Variants in SNTG1 observed in about 807,000 individuals in gnomAD.
SNTG1 encodes the protein gamma-1-syntrophin.
SNTG1 carries 39 observed loss-of-function variants against 74.7 expected under a neutral mutation model. That is an observed-to-expected ratio of 0.52 (90% confidence interval 0.40 to 0.68). The LOEUF (loss-of-function observed/expected upper bound fraction) is 0.68. Among genes scored for constraint, SNTG1 ranks in the 30% least tolerant of loss-of-function variants. The pLI is 0.00. For missense variants in SNTG1, 685 were observed against 609.5 expected (o/e 1.12, Z -1.30); for synonymous variants, 254 against 217.1 (o/e 1.17, Z -1.49).
chr8:50,640,286 C>T (rs1186747946), intron 13 of SNTG1, among the ~76,000 whole-genome samples: 1 of 152,088 alleles, frequency 6.6e-6, no homozygotes, highest in Non-Finnish European at 1.5e-5. Context: ...CTATTCTGAA[C>T]ATAGTACAGG....
chr8:50,032,218 C>A (rs6981047), intron 1 of SNTG1, among the ~76,000 whole-genome samples: 4 of 152,032 alleles, frequency 2.6e-5, no homozygotes, highest in African/African-American at 9.6e-5. Flanking sequence ...TGTGTCCATT[C>A]TATTGATATT....
intron 5 of SNTG1, among the ~76,000 whole-genome samples, chr8:50,441,103 G>A (rs1192912892): frequency 6.6e-6 from 1 of 152,102 alleles, no homozygotes; most frequent in African/African-American, 2.4e-5. Flanking sequence ...ACTGGACAAG[G>A]ACAGTGTGGT....
chr8:49,934,280 G>GATCTATCTATCT (rs6150575), intron 1 of SNTG1, among the ~76,000 whole-genome samples: 11 of 146,502 alleles, frequency 7.5e-5, no homozygotes, highest in African/African-American at 1.0e-4. Context: ...ATACTATATA[G>GATCTATCTATCT]ATCTATCTAT....
At chr8:50,372,728 A>G (rs1279916586) in intron 2 of SNTG1, among the ~76,000 whole-genome samples, 1 of 152,172 alleles carries the variant, frequency 6.6e-6, no homozygotes, top group Non-Finnish European at 1.5e-5. Context: ...AATCATTAAA[A>G]TCCAGTGTAA....
chr8:50,618,344 T>G (rs1446212294), intron 13 of SNTG1, among the ~76,000 whole-genome samples: 1 of 152,230 alleles, frequency 6.6e-6, no homozygotes, highest in African/African-American at 2.4e-5. Context: ...CTGAAAGTAT[T>G]TTCTTACTGT....
intron 13 of SNTG1, among the ~76,000 whole-genome samples, chr8:50,613,669 A>G (rs909558760): frequency 6.6e-6 from 1 of 152,176 alleles, no homozygotes; most frequent in Non-Finnish European, 1.5e-5. Context: ...GAATTGTTAT[A>G]TAACTTTTGG....
intron 2 of SNTG1, among the ~76,000 whole-genome samples, chr8:50,283,157 A>C (rs1388270089): frequency 6.6e-6 from 1 of 152,244 alleles, no homozygotes; most frequent in African/African-American, 2.4e-5. Context: ...AAAAGCGACA[A>C]AAATTACAAT....
chr8:50,081,790 C>T (rs1822439119), intron 1 of SNTG1, among the ~76,000 whole-genome samples: 2 of 152,066 alleles, frequency 1.3e-5, no homozygotes, highest in South Asian at 2.1e-4. Flanking sequence ...CATGCCACCA[C>T]ATCCGACTAA....
At chr8:50,567,271 G>C (rs959960725) in intron 12 of SNTG1, among the ~76,000 whole-genome samples, 1 of 152,122 alleles carries the variant, frequency 6.6e-6, no homozygotes, top group Non-Finnish European at 1.5e-5. Flanking sequence ...AGCACTTCAT[G>C]AATCAATCCT....
chr8:50,157,207 T>A (rs1161644419), intron 1 of SNTG1, among the ~76,000 whole-genome samples: 2 of 152,104 alleles, frequency 1.3e-5, no homozygotes, highest in African/African-American at 4.8e-5. Context: ...GATATTTAGA[T>A]GCATAGCTGT....
In SNTG1 at chr8:50,530,201, G is replaced by T. The variant is rs549965322; in HGVS notation, c.491G>T (p.Gly164Val). The T allele has an allele frequency of 1.2e-6, 2 of 1,613,714 alleles. No homozygotes were observed. Among genetic ancestry groups the T allele is most frequent in the Non-Finnish European group, 1.7e-6 (2 of 1,179,758 alleles). ...GGTGCTCCAAGTGACCAGAGCAGTGGCACCTCCTCTCCTCTCTGTGACAGT... is the reference window on the plus strand; with the variant it reads ...GGTGCTCCAAGTGACCAGAGCAGTGTCACCTCCTCTCCTCTCTGTGACAGT... Reference protein sequence around the residue: ...CACAPSDQSSGTSSPLCDSGL... With the variant: ...CACAPSDQSSVTSSPLCDSGL... The change falls in exon 10 of 19, where the codon GGC (glycine) becomes GTC (valine). Residue 164 changes from glycine to valine, a missense_variant. Coordinates refer to ENST00000642720, the MANE Select transcript of SNTG1 (RefSeq NM_018967.5).
chr8:50,380,284 AG>A (rs1166169364), intron 2 of SNTG1, among the ~76,000 whole-genome samples: 1 of 152,216 alleles, frequency 6.6e-6, no homozygotes, highest in Non-Finnish European at 1.5e-5. Flanking sequence ...GTTGTAACTG[AG>A]TTTGGAGAGA....
At chr8:49,979,829 T>G (rs1395092674) in intron 1 of SNTG1, among the ~76,000 whole-genome samples, 7 of 152,210 alleles carry the variant, frequency 4.6e-5, no homozygotes, top group Non-Finnish European at 7.3e-5. Flanking sequence ...CAGCTGTGCG[T>G]GCGTGTGTGT....
intron 1 of SNTG1, among the ~76,000 whole-genome samples, chr8:50,094,111 G>A (rs1222516730): frequency 6.6e-6 from 1 of 152,062 alleles, no homozygotes; most frequent in East Asian, 1.9e-4. Context: ...GAAATTATAT[G>A]TGTGTTTGGG....
At chr8:50,235,681 A>C (rs759311966) in intron 2 of SNTG1, among the ~76,000 whole-genome samples, 28 of 152,116 alleles carry the variant, frequency 1.8e-4, no homozygotes, top group Non-Finnish European at 1.5e-5. Context: ...GTGAAGGAAA[A>C]AGCTCATTAG....
At chr8:50,260,800 A>G (rs2087152984) in intron 2 of SNTG1, among the ~76,000 whole-genome samples, 1 of 152,064 alleles carries the variant, frequency 6.6e-6, no homozygotes, top group Admixed American at 6.5e-5. Context: ...GTATTGCAAA[A>G]GAATGAAGAA....
chr8:50,195,496 A>G (rs2083731334), intron 2 of SNTG1, among the ~76,000 whole-genome samples: 1 of 151,974 alleles, frequency 6.6e-6, no homozygotes, highest in Non-Finnish European at 1.5e-5. Flanking sequence ...AAATTCAGCT[A>G]GAGATTTCCT....
chr8:50,667,008 A>G (rs1004244737), intron 15 of SNTG1, among the ~76,000 whole-genome samples: 7 of 151,936 alleles, frequency 4.6e-5, no homozygotes, highest in Non-Finnish European at 8.8e-5. Context: ...TAGAAAAGAG[A>G]TGCTCCAAAT....
rs1265939107 is a variant in SNTG1 at position 50,560,843 on chromosome 8, A to AT, written c.810+7665dup. ...GTTTATCTGTGTAACAAACCTGCAC[A>AT]TCCTACACATGTTCCCCAGAACTTA... is the stretch of plus-strand genomic sequence containing the variant. On this transcript the variant is annotated intron_variant, in intron 12 of 18. Coordinates refer to ENST00000642720, the MANE Select transcript of SNTG1 (RefSeq NM_018967.5). 2.0e-5 allele frequency among the ~76,000 whole-genome samples: 3 copies of AT among 152,174 alleles called. No individual in the cohort carries two copies. The East Asian group carries it at 5.8e-4, about 29-fold the overall frequency.
Sources: gnomAD v4.1 joint callset for allele counts (sites outside exome capture counted in the v4.1 genomes callset) on GRCh38, gnomAD v4.1.1 for gene constraint, MANE v1.5 for transcripts, NCBI Gene and HGNC (gene_info 2026-07-23, HGNC 2026-07-21) for gene names.